INPP4B: variants seen among roughly 807,000 people sequenced by gnomAD.
The protein encoded by INPP4B is inositol polyphosphate 4-phosphatase type II.
In INPP4B, 55 loss-of-function variants were observed where a neutral mutation model predicts 122.5. That is an observed-to-expected ratio of 0.45 (90% CI 0.36 to 0.56). The LOEUF (loss-of-function observed/expected upper bound fraction) is 0.56. INPP4B is among the 20% of genes least tolerant of loss of function. The pLI, the probability that INPP4B is intolerant of heterozygous loss-of-function variation, is 0.00. For missense variants in INPP4B, 1,000 were observed against 1,097.7 expected (o/e 0.91, Z 1.26); for synonymous variants, 403 against 388.7 (o/e 1.04, Z -0.43).
intron 2 of INPP4B, among the ~76,000 whole-genome samples, chr4:142,690,160 C>T (rs1194982491): frequency 7.9e-5 from 12 of 152,256 alleles, no homozygotes; most frequent in Admixed American, 3.3e-4. Flanking sequence ...TTTTAAGATA[C>T]CATGCGGCGT....
At chr4:142,606,471 C>T (rs778820565) in intron 2 of INPP4B, among the ~76,000 whole-genome samples, 1 of 151,832 alleles carries the variant, frequency 6.6e-6, no homozygotes. Context: ...ATTACCCTGA[C>T]TTGATCATTA....
intron 25 of INPP4B, among the ~76,000 whole-genome samples, chr4:142,044,572 A>G (rs965466354): frequency 2.6e-5 from 4 of 152,112 alleles, no homozygotes; most frequent in African/African-American, 9.7e-5. Context: ...GCAGCATTCT[A>G]TCCTATGGAA....
chr4:142,348,551 T>C (rs1265926728), intron 7 of INPP4B, among the ~76,000 whole-genome samples: 1 of 151,976 alleles, frequency 6.6e-6, no homozygotes, highest in Non-Finnish European at 1.5e-5. Flanking sequence ...AGGCCCCTTC[T>C]CTAACCTCTT....
At chr4:142,198,495 C>A (rs1839326921) in intron 14 of INPP4B, among the ~76,000 whole-genome samples, 1 of 151,126 alleles carries the variant, frequency 6.6e-6, no homozygotes, top group Non-Finnish European at 1.5e-5. Flanking sequence ...TTAAGCTTTT[C>A]TTTTCCAGCG....
At chr4:142,655,532 C>T (rs987456070) in intron 2 of INPP4B, among the ~76,000 whole-genome samples, 4 of 152,246 alleles carry the variant, frequency 2.6e-5, no homozygotes, top group South Asian at 4.1e-4. Flanking sequence ...TTTTCAGGCA[C>T]CTGAATGAAT....
At chr4:142,701,794 C>T (rs1761810528) in intron 2 of INPP4B, among the ~76,000 whole-genome samples, 1 of 152,084 alleles carries the variant, frequency 6.6e-6, no homozygotes, top group Non-Finnish European at 1.5e-5. Context: ...TTCTAGACAT[C>T]TATCAAATAG....
At chr4:142,138,614 T>C (rs1561257510) in intron 18 of INPP4B, among the ~76,000 whole-genome samples, 1 of 152,184 alleles carries the variant, frequency 6.6e-6, no homozygotes, top group Non-Finnish European at 1.5e-5. Context: ...ATCACTGTGC[T>C]TGAATTTGAA....
chr4:142,249,987 G>T (rs545355437), intron 11 of INPP4B, among the ~76,000 whole-genome samples: 1 of 152,158 alleles, frequency 6.6e-6, no homozygotes, highest in Admixed American at 6.5e-5. Context: ...AATAATTAGA[G>T]ATAAGTCTGC....
intron 1 of INPP4B, among the ~76,000 whole-genome samples, chr4:142,803,506 G>A (rs1324014590): frequency 6.6e-6 from 1 of 151,322 alleles, no homozygotes; most frequent in Non-Finnish European, 1.5e-5. Context: ...TAAAAGAGGG[G>A]AAAAAACTAT....
chr4:142,619,709 T>C (rs147487956), intron 2 of INPP4B, among the ~76,000 whole-genome samples: 66 of 152,088 alleles, frequency 4.3e-4, no homozygotes, highest in African/African-American at 1.5e-3. Flanking sequence ...TGCCCACAGT[T>C]AATACTGTAT....
chr4:142,114,452 T>C (rs1791913237), intron 21 of INPP4B, among the ~76,000 whole-genome samples: 1 of 152,130 alleles, frequency 6.6e-6, no homozygotes, highest in Non-Finnish European at 1.5e-5. Flanking sequence ...TTTGCTCTTA[T>C]CTGATGATTC....
Position 142,729,829 on chromosome 4 carries a change from G to A in INPP4B, c.-253-3928C>T, listed in dbSNP as rs750588318. ...ACCTCATGACAGCTCTTTCATATTC[G>A]TGGCCCACCTCTCTTCCAGAGGAAT... On this transcript the variant is annotated intron_variant, in intron 1 of 25. Coordinates refer to ENST00000262992, the MANE Select transcript of INPP4B (RefSeq NM_001101669.3). 8.6e-5 allele frequency among the ~76,000 whole-genome samples: 13 copies of A among 152,034 alleles called. No individual in the cohort carries two copies. The East Asian group carries it at 1.5e-3, about 18-fold the overall frequency.
chr4:142,787,427 C>T (rs1043962746), intron 1 of INPP4B, among the ~76,000 whole-genome samples: 2 of 152,034 alleles, frequency 1.3e-5, no homozygotes, highest in Admixed American at 1.3e-4. Flanking sequence ...GCAAGAAAGC[C>T]CTCTCCAGAT....
intron 18 of INPP4B, among the ~76,000 whole-genome samples, chr4:142,139,791 G>A (rs1249978559): frequency 1.3e-5 from 2 of 152,124 alleles, no homozygotes. Context: ...CAAATCACTG[G>A]CAAACCTCTA....
intron 5 of INPP4B, among the ~76,000 whole-genome samples, chr4:142,412,152 A>T (rs549645698): frequency 2.0e-5 from 3 of 152,280 alleles, no homozygotes; most frequent in African/African-American, 7.2e-5. Flanking sequence ...TTATGTTTCC[A>T]GTCCAATAAA....
chr4:142,271,299 A>C (rs1745699798), intron 9 of INPP4B, among the ~76,000 whole-genome samples: 1 of 152,168 alleles, frequency 6.6e-6, no homozygotes, highest in South Asian at 2.1e-4. Flanking sequence ...CGGACTGTCG[A>C]AAAGTACCTT....
At chr4:142,527,279 T>C (rs190952694) in intron 2 of INPP4B, among the ~76,000 whole-genome samples, 11 of 151,938 alleles carry the variant, frequency 7.2e-5, no homozygotes, top group African/African-American at 2.6e-4. Flanking sequence ...TGTAAGTATA[T>C]TTAAATCATA....
At chr4:142,057,948 G>C (rs1420972074) in intron 25 of INPP4B, among the ~76,000 whole-genome samples, 1 of 152,058 alleles carries the variant, frequency 6.6e-6, no homozygotes, top group Non-Finnish European at 1.5e-5. Context: ...TGCACTTTCT[G>C]GATTCAACCA....
intron 2 of INPP4B, among the ~76,000 whole-genome samples, chr4:142,720,483 A>G (rs1213296510): frequency 2.6e-5 from 4 of 151,948 alleles, no homozygotes; most frequent in African/African-American, 9.7e-5. Context: ...AGTCCCTTAT[A>G]TAAAACGGCA....
Sources: gnomAD v4.1 joint callset for allele counts (sites outside exome capture counted in the v4.1 genomes callset) on GRCh38, gnomAD v4.1.1 for gene constraint, MANE v1.5 for transcripts, NCBI Gene and HGNC (gene_info 2026-07-23, HGNC 2026-07-21) for gene names.